The following TMPRSS12 variants were observed in gnomAD, a reference collection of about 807,000 sequenced individuals.
TMPRSS12 encodes the protein transmembrane serine protease 12.
Under a neutral mutation model 26.0 loss-of-function variants are expected in TMPRSS12, and 25 were observed. The observed-to-expected ratio is 0.96, with a 90% CI of 0.70 to 1.34. TMPRSS12 has a LOEUF of 1.34. Among genes scored for constraint, TMPRSS12 ranks in the 40% most tolerant of loss-of-function variants. The pLI is 0.00. For synonymous variants in TMPRSS12, 150 were observed against 161.7 expected, an observed-to-expected ratio of 0.93 and a Z score of 0.55; for missense variants, 441 against 440.1, an observed-to-expected ratio of 1.00 and a Z score of -0.02.
intron 2 of TMPRSS12, among the ~76,000 whole-genome samples, chr12:50,850,872 G>C (rs1307261594): frequency 6.6e-6 from 1 of 152,170 alleles, no homozygotes; most frequent in Admixed American, 6.5e-5. Context: ...GACCATGAGA[G>C]GCCAGAGTAC....
intron 3 of TMPRSS12, among the ~76,000 whole-genome samples, chr12:50,874,191 T>C (rs1938092369): frequency 6.6e-6 from 1 of 151,840 alleles, no homozygotes; most frequent in East Asian, 1.9e-4. Flanking sequence ...ACTCAGAAAA[T>C]AGAGAAGGGA....
intron 3 of TMPRSS12, among the ~76,000 whole-genome samples, chr12:50,861,957 G>A (rs1361948924): frequency 6.6e-6 from 1 of 151,992 alleles, no homozygotes; most frequent in African/African-American, 2.4e-5. Flanking sequence ...CTACGGGCAC[G>A]TGCCACCACA....
At position 50,872,790 on chromosome 12, in the gene TMPRSS12, TG is replaced by T. The variant is rs1201604692; in HGVS notation, c.653-12455del. ...TATGACGTATATATGTACATATATA[TG>T]ACGTATATATGTACATATATATGAC... is the stretch of plus-strand genomic sequence containing the variant. On this transcript the variant is annotated intron_variant, in intron 3 of 4. Coordinates refer to ENST00000398458, the MANE Select transcript of TMPRSS12 (RefSeq NM_182559.3). Among the ~76,000 whole-genome samples, 5 of 18,896 alleles carry T rather than the reference TG, an allele frequency of 2.6e-4. 2 individuals are homozygous for T. The highest frequency in any genetic ancestry group is 4.1e-4 in the African/African-American group (2 of 4,928). The allele number at this position is 18,896 out of a possible 152,430, so 12.4% of individuals were successfully genotyped here. A position where few individuals can be genotyped will look rare whatever the true frequency, so the allele number is the denominator to read the frequency against.
At chr12:50,887,142 G>T in intron 4 of TMPRSS12, 120 bp from the exon 5 acceptor site, 1 of 1,002,314 alleles carries the variant, frequency 1.0e-6, no homozygotes, top group Non-Finnish European at 1.4e-6. Context: ...ATAAATTGGG[G>T]GTATATTGAA....
Position 50,865,133 on chromosome 12 carries a change from A to T in TMPRSS12, c.652+6080A>T, listed in dbSNP as rs1449059317. 2.0e-5 allele frequency among the ~76,000 whole-genome samples: 3 copies of T among 152,100 alleles called. No individual in the cohort carries two copies. The East Asian group carries it at 5.8e-4, about 29-fold the overall frequency. ...GATCACCTGAGACCAGGAGTTTGAGACCAGCCTAGCCAACATGGTGAAACC... is the reference window on the plus strand; with the variant it reads ...GATCACCTGAGACCAGGAGTTTGAGTCCAGCCTAGCCAACATGGTGAAACC... On this transcript the variant is annotated intron_variant, in intron 3 of 4. Coordinates refer to ENST00000398458, the MANE Select transcript of TMPRSS12 (RefSeq NM_182559.3).
At chr12:50,853,582 A>AAC (rs1937847098) in intron 2 of TMPRSS12, among the ~76,000 whole-genome samples, 2 of 11,990 alleles carry the variant, frequency 1.7e-4, no homozygotes, top group Admixed American at 1.8e-3. Flanking sequence ...CTAGACTAAC[A>AAC]AAAAAAAAAA....
intron 3 of TMPRSS12, among the ~76,000 whole-genome samples, chr12:50,860,287 A>T (rs1937922389): frequency 6.6e-6 from 1 of 152,204 alleles, no homozygotes; most frequent in Non-Finnish European, 1.5e-5. Flanking sequence ...AGGGGCAGTA[A>T]ATGTTAACTG....
At chr12:50,868,533 G>A (rs1356450773) in intron 3 of TMPRSS12, among the ~76,000 whole-genome samples, 2 of 152,012 alleles carry the variant, frequency 1.3e-5, no homozygotes, top group African/African-American at 4.8e-5. Flanking sequence ...GAGATAAACA[G>A]CAACACAATA....
rs544420207 is a variant in TMPRSS12, at chr12:50,884,161, A to G, written c.653-1085A>G. 2.0e-5 allele frequency among the ~76,000 whole-genome samples: 3 copies of G among 152,346 alleles called. No individual in the cohort carries two copies. In the South Asian group the frequency reaches 6.2e-4, roughly 32 times the overall value. ...GAAGGGAATTTCCTTAACCTAATTA[A>G]GGTTAATGACCTCTAACCTACAGCA... On this transcript the variant is annotated intron_variant, in intron 3 of 4. Transcript: ENST00000398458.
chr12:50,878,986 C>T (rs1369829981), intron 3 of TMPRSS12, among the ~76,000 whole-genome samples: 1 of 152,202 alleles, frequency 6.6e-6, no homozygotes, highest in Non-Finnish European at 1.5e-5. Flanking sequence ...CTGGAAGTCA[C>T]AACTTATGAA....
At position 50,843,851 on chromosome 12, in the gene TMPRSS12, C is replaced by T; in HGVS notation, c.197C>T (p.Thr66Ile). ...EGGAHAEDCG[T>I]APLKDVLQGS... The stretch of plus-strand genomic sequence containing the variant: ...TCATTTTTATTTTTAGATTGTGGAA[C>T]AGCACCGCTTAAGGATGTGTTGCAA... Residue 66 changes from threonine to isoleucine, a missense_variant, in exon 2 of 5, where the codon ACA becomes ATA. By Grantham distance (89) the Thr-to-Ile change is moderately conservative. Transcript: ENST00000398458. 6.4e-7 allele frequency: 1 copy of T among 1,553,110 alleles called. No individual in the cohort carries two copies. The highest frequency in any genetic ancestry group is 8.7e-7 in the Non-Finnish European group (1 of 1,148,364).
chr12:50,857,415 C>T (rs1453424692), intron 2 of TMPRSS12, among the ~76,000 whole-genome samples: 3 of 150,186 alleles, frequency 2.0e-5, no homozygotes, highest in African/African-American at 4.9e-5. Context: ...CACTTTCTGC[C>T]ATGAATAAGA....
In TMPRSS12 at chr12:50,858,773, A is replaced by C; in HGVS notation, c.384-12A>C. On this transcript the variant is annotated splice_polypyrimidine_tract_variant and intron_variant, in intron 2 of 4. Coordinates refer to ENST00000398458, the MANE Select transcript of TMPRSS12 (RefSeq NM_182559.3). Reference sequence around the variant, plus strand: ...AAAGATATTTATAATAAGAATGTTTACTTTCTTTCAGCGATCCTTTAATGT... The same window carrying C: ...AAAGATATTTATAATAAGAATGTTTCCTTTCTTTCAGCGATCCTTTAATGT... 1 of 1,508,398 alleles carries C rather than the reference A, an allele frequency of 6.6e-7. No homozygotes were observed. The highest frequency in any genetic ancestry group is 8.8e-7 in the Non-Finnish European group (1 of 1,133,120). The allele number at this position is 1,508,398 out of a possible 1,614,324, so 93.4% of individuals were successfully genotyped here.
chr12:50,876,934 T>A (rs1015823781), intron 3 of TMPRSS12, among the ~76,000 whole-genome samples: 4 of 151,980 alleles, frequency 2.6e-5, no homozygotes, highest in African/African-American at 9.7e-5. Context: ...GCCATTATCC[T>A]AAGTGAATTA....
chr12:50,850,938 T>C (rs1003170024), intron 2 of TMPRSS12, among the ~76,000 whole-genome samples: 1 of 149,764 alleles, frequency 6.7e-6, no homozygotes, highest in African/African-American at 2.6e-5. Context: ...CCAGGCATGC[T>C]GAGCTGAGTC....
intron 4 of TMPRSS12, chr12:50,885,822 T>TTA: frequency 3.7e-6 from 1 of 271,364 alleles, no homozygotes; most frequent in Admixed American, 5.4e-5. Flanking sequence ...TGCCCGGCCA[T>TTA]TCTTTTTTTT....
intron 4 of TMPRSS12, chr12:50,886,099 C>G (rs1210807231): frequency 1.3e-5 from 2 of 152,070 alleles, no homozygotes; most frequent in Non-Finnish European, 2.9e-5. Flanking sequence ...ATTTATATAT[C>G]TTCTTTACAG....
Position 50,872,864 on chromosome 12 carries a change from C to CGCA in TMPRSS12, c.653-12382_653-12381insGCA, listed in dbSNP as rs74805269. On this transcript the variant is annotated intron_variant, in intron 3 of 4. Coordinates refer to ENST00000398458, the MANE Select transcript of TMPRSS12 (RefSeq NM_182559.3). ...CGTCTATATATGTACATATATATGACTATATATGTACATATATATGACGTA... is the reference window on the plus strand; with the variant it reads ...CGTCTATATATGTACATATATATGACGCATATATATGTACATATATATGACGTA... 4.1e-4 allele frequency among the ~76,000 whole-genome samples: 5 copies of CGCA among 12,250 alleles called. 1 individual carries two copies. The highest frequency in any genetic ancestry group is 8.7e-4 in the African/African-American group (4 of 4,596). The allele number at this position is 12,250 out of a possible 152,430, so 8.0% of individuals were successfully genotyped here.
chr12:50,869,101 G>GAA (rs199862044), intron 3 of TMPRSS12, among the ~76,000 whole-genome samples: 2 of 141,200 alleles, frequency 1.4e-5, no homozygotes, highest in South Asian at 2.2e-4. Context: ...AGAGAAACAA[G>GAA]AAAAAAAAAC....
Sources: gnomAD v4.1 joint callset for allele counts (sites outside exome capture counted in the v4.1 genomes callset) on GRCh38, gnomAD v4.1.1 for gene constraint, MANE v1.5 for transcripts, NCBI Gene and HGNC (gene_info 2026-07-23, HGNC 2026-07-21) for gene names.